HOXD8: variants seen among roughly 807,000 people sequenced by gnomAD.
HOXD8 encodes the protein homeobox protein Hox-D8.
HOXD8 carries 17 observed loss-of-function variants against 25.4 expected under a neutral mutation model. The observed-to-expected ratio is 0.67, with a 90% CI of 0.46 to 1.00. The LOEUF is 1.00. Among genes scored for constraint, HOXD8 ranks in the 50% least tolerant of loss-of-function variants. The probability of loss-of-function intolerance (pLI) is 0.00; values close to 1 mark genes in which losing one functional copy is unlikely to be tolerated. For missense variants in HOXD8, 511 were observed against 398.5 expected, an observed-to-expected ratio of 1.28 and a Z score of -2.40; for synonymous variants, 203 against 175.3, an observed-to-expected ratio of 1.16 and a Z score of -1.25.
At position 176,130,278 on chromosome 2, in the gene HOXD8, G is replaced by T. The variant is rs1319745884; in HGVS notation, c.-89G>T. ...GGCGGCGAGAGCAGCCGCCCCACAG[G>T]CCCCCGCGGCAGTGCGGCCGAGTCG... On this transcript the variant is annotated 5_prime_UTR_variant, in exon 1 of 2. Coordinates refer to ENST00000313173, the MANE Select transcript of HOXD8 (RefSeq NM_019558.4). The T allele has an allele frequency of 1.3e-5, 10 of 773,384 alleles. No homozygotes were observed. The highest frequency in any genetic ancestry group is 1.8e-5 in the Non-Finnish European group (10 of 570,044). 47.9% of individuals were successfully genotyped at this position (773,384 alleles called of 1,614,324 possible).
In HOXD8 at chr2:176,130,596, C is replaced by T; in HGVS notation, c.230C>T (p.Pro77Leu). The change falls in exon 1 of 2, where the codon CCG becomes CTG. Residue 77 changes from proline (P) to leucine (L), a missense_variant. Coordinates refer to ENST00000313173, the MANE Select transcript of HOXD8 (RefSeq NM_019558.4). Reference protein sequence around the residue: ...QAHAHPHPSPPPSGTGCGGRE... With the variant: ...QAHAHPHPSPLPSGTGCGGRE... ...CACGCGCACCCGCACCCGTCCCCGC[C>T]GCCCTCCGGGACTGGGTGCGGCGGT... 3 of 1,469,640 alleles carry T rather than the reference C, an allele frequency of 2.0e-6. No individual in the cohort carries two copies. The highest frequency in any genetic ancestry group is 8.9e-7 in the Non-Finnish European group (1 of 1,123,602). The allele number at this position is 1,469,640 out of a possible 1,614,324, so 91.0% of individuals were successfully genotyped here. A position where few individuals can be genotyped will look rare whatever the true frequency, so the allele number is the denominator to read the frequency against.
In HOXD8 at chr2:176,131,458, A is replaced by G; in HGVS notation, c.719A>G (p.Gln240Arg). Residue 240 changes from glutamine to arginine, a missense_variant, in exon 2 of 2, where the codon CAG becomes CGG. Physicochemically the swap from Gln to Arg is conservative, Grantham distance 43. Transcript: ENST00000313173. Reference protein sequence around the residue: ...VSHALALTERQVKIWFQNRRM... With the variant: ...VSHALALTERRVKIWFQNRRM... ...CACGCCCTAGCCCTCACCGAGAGAC[A>G]GGTAAAAATCTGGTTCCAGAACAGG... is the stretch of plus-strand genomic sequence containing the variant. 6.2e-7 allele frequency: 1 copy of G among 1,614,026 alleles called. No individual in the cohort carries two copies. Among genetic ancestry groups the G allele is most frequent in the Non-Finnish European group, 8.5e-7 (1 of 1,179,972 alleles).
In HOXD8 at chr2:176,130,339, G is replaced by GCCCT; in HGVS notation, c.-25_-24insTCCC. Reference sequence around the variant, plus strand: ...TCTGGCTGCTTAGCGCCGCCCGCCCGCCCGGGGCCGCCGCCGCTGACGCCC... The same window carrying GCCCT: ...TCTGGCTGCTTAGCGCCGCCCGCCCGCCCTCCCGGGGCCGCCGCCGCTGACGCCC... On this transcript the variant is annotated 5_prime_UTR_variant, in exon 1 of 2. Transcript: ENST00000313173. 1.5e-6 allele frequency: 2 copies of GCCCT among 1,373,480 alleles called. No individual in the cohort carries two copies. The highest frequency in any genetic ancestry group is 1.9e-6 in the Non-Finnish European group (2 of 1,071,640). 85.1% of individuals were successfully genotyped at this position (1,373,480 alleles called of 1,614,324 possible).
chr2:176,130,511 G>T lies in HOXD8; in HGVS notation c.145G>T (p.Ala49Ser), dbSNP rs1432008352. The change falls in exon 1 of 2, where the codon GCA becomes TCA. Residue 49 changes from alanine to serine, a missense_variant. By Grantham distance (99) the Ala-to-Ser change is moderately conservative. Coordinates refer to ENST00000313173, the MANE Select transcript of HOXD8 (RefSeq NM_019558.4). The part of the protein sequence containing the change: ...EVGGRHAAAA[A>S]ALQLYGNSAA... Reference sequence around the variant, plus strand: ...CGGCGGCCGTCACGCCGCCGCCGCAGCAGCCCTGCAGCTCTATGGCAACAG... The same window carrying T: ...CGGCGGCCGTCACGCCGCCGCCGCATCAGCCCTGCAGCTCTATGGCAACAG... 6.7e-7 allele frequency: 1 copy of T among 1,489,930 alleles called. No individual in the cohort carries two copies. Among genetic ancestry groups the T allele is most frequent in the Non-Finnish European group, 8.9e-7 (1 of 1,126,918 alleles). 92.3% of individuals were successfully genotyped at this position (1,489,930 alleles called of 1,614,324 possible). A position where few individuals can be genotyped will look rare whatever the true frequency, so the allele number is the denominator to read the frequency against.
In HOXD8 at chr2:176,130,452, C is replaced by T; in HGVS notation, c.86C>T (p.Pro29Leu). ...AAAAAGEAIN[P>L]TYYDCHFAPE... is the part of the protein sequence containing the mutation. ...GCGGCGGCGGGCGAGGCCATCAATC[C>T]CACTTACTACGACTGTCACTTCGCG... Residue 29 changes from proline to leucine, a missense_variant, in exon 1 of 2, where the codon CCC becomes CTC. Physicochemically the swap from Pro to Leu is moderately conservative, Grantham distance 98. Coordinates refer to ENST00000313173, the MANE Select transcript of HOXD8 (RefSeq NM_019558.4). The T allele has an allele frequency of 6.7e-7, 1 of 1,494,162 alleles. No homozygotes were observed. The highest frequency in any genetic ancestry group is 8.9e-7 in the Non-Finnish European group (1 of 1,128,004). 92.6% of individuals were successfully genotyped at this position (1,494,162 alleles called of 1,614,324 possible). A position where few individuals can be genotyped will look rare whatever the true frequency, so the allele number is the denominator to read the frequency against.
Position 176,130,418 on chromosome 2 carries a change from G to T in HOXD8, c.52G>T (p.Ala18Ser). The change falls in exon 1 of 2, where the codon GCG becomes TCG. Residue 18 changes from alanine to serine, a missense_variant. Physicochemically the swap from Ala to Ser is moderately conservative, Grantham distance 99 (BLOSUM62 1). Coordinates refer to ENST00000313173, the MANE Select transcript of HOXD8 (RefSeq NM_019558.4). Reference sequence around the variant, plus strand: ...GTACTCCAAGTACAAGGCGGCGGCTGCGGCGGCGGCGGCGGCGGGCGAGGC... The same window carrying T: ...GTACTCCAAGTACAAGGCGGCGGCTTCGGCGGCGGCGGCGGCGGGCGAGGC... ...PLYSKYKAAA[A>S]AAAAAGEAIN... 1 of 1,198,892 alleles carries T rather than the reference G, an allele frequency of 8.3e-7. No individual in the cohort carries two copies. The highest frequency in any genetic ancestry group is 3.0e-5 in the Admixed American group (1 of 33,034). The allele number at this position is 1,198,892 out of a possible 1,614,324, so 74.3% of individuals were successfully genotyped here.
rs1474298648 is a variant in HOXD8 at position 176,130,016 on chromosome 2, G to A, written c.-351G>A. ...TGGAGGCAGCGGGGCAGGTCGCCTG[G>A]GGCGTCGGCGATTATATTGCGGCCG... On this transcript the variant is annotated 5_prime_UTR_variant, in exon 1 of 2. Transcript: ENST00000313173. 2.6e-5 allele frequency: 4 copies of A among 151,584 alleles called. No individual in the cohort carries two copies. In the East Asian group the frequency reaches 7.8e-4, roughly 30 times the overall value. 9.4% of individuals were successfully genotyped at this position (151,584 alleles called of 1,614,324 possible). A position where few individuals can be genotyped will look rare whatever the true frequency, so the allele number is the denominator to read the frequency against.
intron 1 of HOXD8, 113 bp downstream of exon 1, chr2:176,131,056 C>G (rs1690098205): frequency 1.3e-6 from 1 of 754,562 alleles, no homozygotes; most frequent in South Asian, 1.9e-5. Context: ...TCTTGTGTAG[C>G]CACAGTGGCT....
At position 176,130,781 on chromosome 2, in the gene HOXD8, T is replaced by A; in HGVS notation, c.415T>A (p.Tyr139Asn). The A allele has an allele frequency of 6.2e-7, 1 of 1,612,326 alleles. No homozygotes were observed. The highest frequency in any genetic ancestry group is 1.3e-5 in the African/African-American group (1 of 74,862). The part of the protein sequence containing the change: ...CHGEPAKFYG[Y>N]DNLQRQPIFT... ...CGGGGAGCCCGCGAAGTTTTACGGATACGATAACTTACAGAGACAGCCGAT... is the reference window on the plus strand; with the variant it reads ...CGGGGAGCCCGCGAAGTTTTACGGAAACGATAACTTACAGAGACAGCCGAT... The change falls in exon 1 of 2, where the codon TAC becomes AAC. Residue 139 changes from tyrosine to asparagine, a missense_variant. Tyr to Asn is a moderately radical substitution (Grantham distance 143). Coordinates refer to ENST00000313173, the MANE Select transcript of HOXD8 (RefSeq NM_019558.4).
rs3835104 is a variant in HOXD8, at chr2:176,131,174, C to CTATA, written c.578-133_578-130dup. ...TCTCTGCTCCTCTTGCCTGCACACC[C>CTATA]TATATATATATATCGGAGCTAAAGA... On this transcript the variant is annotated intron_variant, in intron 1 of 1. Transcript: ENST00000313173. The CTATA allele has an allele frequency of 4.7e-3, 2,765 of 590,980 alleles. 1 individual carries two copies. The highest frequency in any genetic ancestry group is 8.3e-3 in the South Asian group (333 of 40,252). The allele number at this position is 590,980 out of a possible 1,614,324, so 36.6% of individuals were successfully genotyped here. A position where few individuals can be genotyped will look rare whatever the true frequency, so the allele number is the denominator to read the frequency against.
rs1690088159 is a variant in HOXD8, at chr2:176,130,821, A to C, written c.455A>C (p.Gln152Pro). Reference sequence around the variant, plus strand: ...AGACAGCCGATTTTTACGACCCAGCAAGAGGCCGAGCTGGTACAATATCCT... The same window carrying C: ...AGACAGCCGATTTTTACGACCCAGCCAGAGGCCGAGCTGGTACAATATCCT... ...LQRQPIFTTQ[Q>P]EAELVQYPDC... Residue 152 changes from glutamine to proline, a missense_variant, in exon 1 of 2, where the codon CAA becomes CCA. Gln to Pro is a moderately conservative substitution (Grantham distance 76). Coordinates refer to ENST00000313173, the MANE Select transcript of HOXD8 (RefSeq NM_019558.4). 3 of 1,613,418 alleles carry C rather than the reference A, an allele frequency of 1.9e-6. No individual in the cohort carries two copies. Among genetic ancestry groups the C allele is most frequent in the Admixed American group, 1.7e-5 (1 of 59,986 alleles).
rs1188967170 is a variant in HOXD8, at chr2:176,130,003, G to A, written c.-364G>A. 6.6e-6 allele frequency: 1 copy of A among 152,120 alleles called. No homozygotes were observed. The highest frequency in any genetic ancestry group is 1.5e-5 in the Non-Finnish European group (1 of 68,166). The allele number at this position is 152,120 out of a possible 1,614,324, so 9.4% of individuals were successfully genotyped here. On this transcript the variant is annotated 5_prime_UTR_variant, in exon 1 of 2. Transcript: ENST00000313173. ...TGAGAGGAAACAGTGGAGGCAGCGG[G>A]GCAGGTCGCCTGGGGCGTCGGCGAT...
In HOXD8 at chr2:176,132,186, GA is replaced by G. The variant is rs1690129852; in HGVS notation, c.*578del. The G allele has an allele frequency of 5.3e-5, 8 of 152,250 alleles. No homozygotes were observed. Among genetic ancestry groups the G allele is most frequent in the Admixed American group, 5.2e-4 (8 of 15,306 alleles). 9.4% of individuals were successfully genotyped at this position (152,250 alleles called of 1,614,324 possible). A position where few individuals can be genotyped will look rare whatever the true frequency, so the allele number is the denominator to read the frequency against. On this transcript the variant is annotated 3_prime_UTR_variant, in exon 2 of 2. Coordinates refer to ENST00000313173, the MANE Select transcript of HOXD8 (RefSeq NM_019558.4). ...ATGTAATATCTCGGGGAAAATATTA[GA>G]AAAGCACGTATTAGCTGAAGAATGT...
Position 176,130,416 on chromosome 2 carries a change from C to A in HOXD8, c.50C>A (p.Ala17Asp). The change falls in exon 1 of 2, where the codon GCT becomes GAT. Residue 17 changes from alanine to aspartate, a missense_variant. By Grantham distance (126) the Ala-to-Asp change is moderately radical. Transcript: ENST00000313173. ...NPLYSKYKAA[A>D]AAAAAAGEAI... ...CTGTACTCCAAGTACAAGGCGGCGGCTGCGGCGGCGGCGGCGGCGGGCGAG... is the reference window on the plus strand; with the variant it reads ...CTGTACTCCAAGTACAAGGCGGCGGATGCGGCGGCGGCGGCGGCGGGCGAG... 6.7e-7 allele frequency: 1 copy of A among 1,485,524 alleles called. No homozygotes were observed. The allele number at this position is 1,485,524 out of a possible 1,614,324, so 92.0% of individuals were successfully genotyped here. A position where few individuals can be genotyped will look rare whatever the true frequency, so the allele number is the denominator to read the frequency against.
In HOXD8 at chr2:176,129,761, A is replaced by G. The variant is rs1337625941; in HGVS notation, c.-606A>G. 1.2e-5 allele frequency: 3 copies of G among 245,590 alleles called. No homozygotes were observed. Among genetic ancestry groups the G allele is most frequent in the African/African-American group, 4.8e-5 (2 of 41,784 alleles). 15.2% of individuals were successfully genotyped at this position (245,590 alleles called of 1,614,324 possible). ...ACTTTCCGTGCAGTGCTGTGGTGCG[A>G]AAATGCCTCGCCGGTGCGCACCGGG... is the stretch of plus-strand genomic sequence containing the variant. On this transcript the variant is annotated 5_prime_UTR_variant, in exon 1 of 2. Coordinates refer to ENST00000313173, the MANE Select transcript of HOXD8 (RefSeq NM_019558.4).
Position 176,130,619 on chromosome 2 carries a change from G to C in HOXD8, c.253G>C (p.Gly85Arg). ...GCCGCCCTCCGGGACTGGGTGCGGCGGTAGGGAAGGCCGGGGCCAGGAGTA... is the reference window on the plus strand; with the variant it reads ...GCCGCCCTCCGGGACTGGGTGCGGCCGTAGGGAAGGCCGGGGCCAGGAGTA... The part of the protein sequence containing the change: ...SPPPSGTGCG[G>R]REGRGQEYFH... The change falls in exon 1 of 2, where the codon GGT (glycine) becomes CGT (arginine). Residue 85 changes from glycine to arginine, a missense_variant. Transcript: ENST00000313173. 6.6e-7 allele frequency: 1 copy of C among 1,508,992 alleles called. No homozygotes were observed. The highest frequency in any genetic ancestry group is 8.8e-7 in the Non-Finnish European group (1 of 1,140,942). 93.5% of individuals were successfully genotyped at this position (1,508,992 alleles called of 1,614,324 possible). A position where few individuals can be genotyped will look rare whatever the true frequency, so the allele number is the denominator to read the frequency against.
Position 176,131,700 on chromosome 2 carries a change from C to A in HOXD8, c.*88C>A. 1.4e-6 allele frequency: 1 copy of A among 714,100 alleles called. No homozygotes were observed. The highest frequency in any genetic ancestry group is 2.3e-6 in the Non-Finnish European group (1 of 427,498). 44.2% of individuals were successfully genotyped at this position (714,100 alleles called of 1,614,324 possible). A position where few individuals can be genotyped will look rare whatever the true frequency, so the allele number is the denominator to read the frequency against. The stretch of plus-strand genomic sequence containing the variant: ...CACCTATTTTCTTTGTTGGAAAGGA[C>A]CTTACCTGTGTTTCAAGCTACCTTC... On this transcript the variant is annotated 3_prime_UTR_variant, in exon 2 of 2. Transcript: ENST00000313173.
Position 176,130,695 on chromosome 2 carries a change from CT to C in HOXD8, c.330del (p.Pro111LeufsTer66). 2 of 1,591,662 alleles carry C rather than the reference CT, an allele frequency of 1.3e-6. No individual in the cohort carries two copies. Among genetic ancestry groups the C allele is most frequent in the Non-Finnish European group, 1.7e-6 (2 of 1,168,608 alleles). On this transcript the variant is annotated frameshift_variant, in exon 1 of 2. Transcript: ENST00000313173. LOFTEE classifies it high-confidence loss of function. Reference protein sequence around the residue: ...SPAAAYQAAPPPPPHPPPPPP... With the variant: ...SPAAAYQAAPXPPPHPPPPPP... ...GCCGCTGCCTACCAGGCCGCCCCCC[CT>C]CCTCCTCCGCATCCTCCGCCTCCGC... is the stretch of plus-strand genomic sequence containing the variant.
In HOXD8 at chr2:176,131,862, A is replaced by G. The variant is rs1690122973; in HGVS notation, c.*250A>G. ...ATACTGACCTTGTAGCTATATTTTTATAATGGTTTTTAATGTCTGAGCTAG... is the reference window on the plus strand; with the variant it reads ...ATACTGACCTTGTAGCTATATTTTTGTAATGGTTTTTAATGTCTGAGCTAG... On this transcript the variant is annotated 3_prime_UTR_variant, in exon 2 of 2. Transcript: ENST00000313173. The G allele has an allele frequency of 5.4e-6, 2 of 368,014 alleles. No individual in the cohort carries two copies. Among genetic ancestry groups the G allele is most frequent in the South Asian group, 9.7e-5 (1 of 10,348 alleles). 22.8% of individuals were successfully genotyped at this position (368,014 alleles called of 1,614,324 possible).
Sources: gnomAD v4.1 joint callset for allele counts on GRCh38, gnomAD v4.1.1 for gene constraint, MANE v1.5 for transcripts, NCBI Gene and HGNC (gene_info 2026-07-23, HGNC 2026-07-21) for gene names.